The following AFDN variants were observed in gnomAD, a reference collection of about 807,000 sequenced individuals.
AFDN encodes the protein afadin, adherens junction formation factor.
AFDN carries 68 observed loss-of-function variants against 216.6 expected under a neutral mutation model. That is an observed-to-expected ratio of 0.31 (90% CI 0.26 to 0.38). The LOEUF (loss-of-function observed/expected upper bound fraction) is 0.38, where lower values mean the gene tolerates loss of function less well. AFDN is among the 10% of genes least tolerant of loss of function. AFDN has a pLI of 1.00. For synonymous variants in AFDN, 868 were observed against 853.7 expected (o/e 1.02, Z -0.29); for missense variants, 2,136 against 2,342.0 (o/e 0.91, Z 1.82).
rs1321574185 is a variant in AFDN, at chr6:167,841,963, C to A, written c.105+14726C>A. Among the ~76,000 whole-genome samples the A allele has an allele frequency of 3.3e-5, 5 of 151,708 alleles. No individual in the cohort carries two copies. In the South Asian group the frequency reaches 1.0e-3, roughly 32 times the overall value. ...CATTCACTCATCTTTGGGCTTTTCT[C>A]TTCTGTTAAAAGGCACTCAGGTTTT... On this transcript the variant is annotated intron_variant, in intron 1 of 33. Transcript: ENST00000683244.
chr6:167,944,926 C>A (rs751696025), intron 26 of AFDN, among the ~76,000 whole-genome samples: 21 of 152,038 alleles, frequency 1.4e-4, no homozygotes, highest in Non-Finnish European at 2.9e-4. Flanking sequence ...ATGGCCATGA[C>A]TACTGTGGAC....
chr6:167,849,689 A>C (rs1473208720), intron 1 of AFDN, among the ~76,000 whole-genome samples: 2 of 152,244 alleles, frequency 1.3e-5, no homozygotes, highest in African/African-American at 4.8e-5. Flanking sequence ...TTAACAGTAT[A>C]GAAGATTCTC....
intron 6 of AFDN, among the ~76,000 whole-genome samples, chr6:167,888,295 A>T (rs2128326971): frequency 6.6e-6 from 1 of 152,356 alleles, no homozygotes; most frequent in South Asian, 2.1e-4. Flanking sequence ...GGTTCTGTAG[A>T]AGAGTCTAAC....
chr6:167,918,061 A>G (rs1583404821), intron 20 of AFDN, among the ~76,000 whole-genome samples: 2 of 152,276 alleles, frequency 1.3e-5, no homozygotes, highest in Non-Finnish European at 2.9e-5. Context: ...AGGAGGGGAC[A>G]GTGATAGGGA....
chr6:167,924,118 A>C (rs556825577), intron 22 of AFDN, among the ~76,000 whole-genome samples: 6 of 152,070 alleles, frequency 3.9e-5, no homozygotes, highest in Non-Finnish European at 8.8e-5. Flanking sequence ...TAATAATTCT[A>C]ATGTCAACTA....
intron 23 of AFDN, among the ~76,000 whole-genome samples, chr6:167,940,152 C>T (rs1333022964): frequency 6.6e-6 from 1 of 152,076 alleles, no homozygotes; most frequent in African/African-American, 2.4e-5. Flanking sequence ...GGGCTGGAGA[C>T]TTGCATTGAG....
intron 26 of AFDN, among the ~76,000 whole-genome samples, chr6:167,945,129 G>A (rs115194913): frequency 0.013 from 1,904 of 151,444 alleles, 45 homozygotes; most frequent in African/African-American, 0.043. Flanking sequence ...AAATATTTTC[G>A]TTCTTTCTAT....
In AFDN at chr6:167,915,432, A is replaced by G. The variant is rs1368612190; in HGVS notation, c.2564A>G (p.Gln855Arg). 6.2e-7 allele frequency: 1 copy of G among 1,606,228 alleles called. No individual in the cohort carries two copies. Among genetic ancestry groups the G allele is most frequent in the Admixed American group, 1.7e-5 (1 of 59,778 alleles). Residue 855 changes from glutamine to arginine, a missense_variant and splice_region_variant, in exon 19 of 34, where the codon CAG (glutamine) becomes CGG (arginine). By Grantham distance (43) the Gln-to-Arg change is conservative (BLOSUM62 1). Transcript: ENST00000683244. ...AADCHLSRIV[Q>R]ATTLLTMDKY... The stretch of plus-strand genomic sequence containing the variant: ...GACTGTCATCTGAGCAGGATCGTGC[A>G]GGTGATTGCTGGTGCCACTCCCCAG...
chr6:167,857,288 A>T (rs1156953728), intron 1 of AFDN, among the ~76,000 whole-genome samples: 1 of 152,058 alleles, frequency 6.6e-6, no homozygotes, highest in Non-Finnish European at 1.5e-5. Flanking sequence ...TAGTTCAGGG[A>T]AGTGCCTTAG....
chr6:167,956,745 G>A (rs1583047557), intron 30 of AFDN, among the ~76,000 whole-genome samples: 2 of 152,164 alleles, frequency 1.3e-5, no homozygotes, highest in East Asian at 3.9e-4. Context: ...TCACAGTCAT[G>A]CATGACCCCC....
At chr6:167,926,632 A>C (rs924504049) in intron 23 of AFDN, among the ~76,000 whole-genome samples, 1 of 152,168 alleles carries the variant, frequency 6.6e-6, no homozygotes, top group Non-Finnish European at 1.5e-5. Context: ...GGGTCTCGCT[A>C]TGCTGCCCAG....
chr6:167,829,187 TAATGA>T (rs1392103222), intron 1 of AFDN, among the ~76,000 whole-genome samples: 1 of 152,216 alleles, frequency 6.6e-6, no homozygotes, highest in Non-Finnish European at 1.5e-5. Context: ...AAGCCTTTCA[TAATGA>T]AATGAATGGT....
At chr6:167,947,794 T>C (rs1280631878) in intron 27 of AFDN, 59 bp from the exon 28 acceptor site, 4 of 1,108,722 alleles carry the variant, frequency 3.6e-6, no homozygotes, top group South Asian at 2.7e-5. Flanking sequence ...AAATTTCATG[T>C]TATATATAGG....
chr6:167,914,391 A>G (rs1296394469), intron 17 of AFDN, 78 bp downstream of exon 17: 1 of 1,539,032 alleles, frequency 6.5e-7, no homozygotes, highest in East Asian at 2.3e-5. Context: ...TTCCAAACTA[A>G]TTTTAAGATT....
Position 167,880,511 on chromosome 6 carries a change from C to G in AFDN, c.891C>G (p.Ile297Met). 1 of 1,613,356 alleles carries G rather than the reference C, an allele frequency of 6.2e-7. No individual in the cohort carries two copies. Among genetic ancestry groups the G allele is most frequent in the South Asian group, 1.1e-5 (1 of 90,938 alleles). The part of the protein sequence containing the change: ...LEKENPKDYC[I>M]ARVMLPPGAQ... Reference sequence around the variant, plus strand: ...AAGAAAACCCTAAGGATTACTGCATCGCCCGGGTAAGGAACTTTATCAAAT... The same window carrying G: ...AAGAAAACCCTAAGGATTACTGCATGGCCCGGGTAAGGAACTTTATCAAAT... Residue 297 changes from isoleucine (I) to methionine (M), a missense_variant, in exon 6 of 34, where the codon ATC becomes ATG. Physicochemically the swap from Ile to Met is conservative, Grantham distance 10. Around this residue, in one of 8 missense-constraint regions of AFDN, gnomAD observed 817 missense variants for 965.7 expected, o/e 0.85. Coordinates refer to ENST00000683244, the MANE Select transcript of AFDN (RefSeq NM_001386888.1).
rs760511335 is a variant in AFDN, at chr6:167,962,530, A to T, written c.4931A>T (p.Gln1644Leu). The change falls in exon 31 of 34, where the codon CAG becomes CTG. Residue 1644 changes from glutamine to leucine, a missense_variant. By Grantham distance (113) the Gln-to-Leu change is moderately radical (BLOSUM62 -2). Transcript: ENST00000683244. This position sits in a 1 kb window ranked among gnomAD's most constrained non-coding sequence, Gnocchi z 5.2. ...AGGCAAGAGGAAGAGCGCCGGCGGC[A>T]GGAGGAGGAGCGAACAAAACGAGAC... is the stretch of plus-strand genomic sequence containing the variant. ...RARQEEERRR[Q>L]EEERTKRDAE... 2 of 1,613,874 alleles carry T rather than the reference A, an allele frequency of 1.2e-6. No homozygotes were observed. The highest frequency in any genetic ancestry group is 1.7e-6 in the Non-Finnish European group (2 of 1,179,828).
intron 1 of AFDN, among the ~76,000 whole-genome samples, chr6:167,834,014 T>G (rs1780118566): frequency 6.6e-6 from 1 of 152,208 alleles, no homozygotes; most frequent in Non-Finnish European, 1.5e-5. Flanking sequence ...AATAATATGA[T>G]TTTACACGAG....
At chr6:167,911,691 A>G in intron 15 of AFDN, 1 of 568,674 alleles carries the variant, frequency 1.8e-6, no homozygotes, top group Non-Finnish European at 3.1e-6. Flanking sequence ...TTTCCCTGTA[A>G]AACTTCAGCA....
At position 167,913,559 on chromosome 6, in the gene AFDN, A is replaced by G. The variant is rs1178601112; in HGVS notation, c.2058+136A>G. The G allele has an allele frequency of 1.2e-5, 9 of 760,154 alleles. No individual in the cohort carries two copies. The Admixed American group carries it at 1.3e-4, about 11-fold the overall frequency. 47.1% of individuals were successfully genotyped at this position (760,154 alleles called of 1,614,324 possible). A position where few individuals can be genotyped will look rare whatever the true frequency, so the allele number is the denominator to read the frequency against. On this transcript the variant is annotated intron_variant, in intron 16 of 33. Coordinates refer to ENST00000683244, the MANE Select transcript of AFDN (RefSeq NM_001386888.1). ...TCATTCAGCAACTGAGACATGCAGT[A>G]CTAAAACCCTTTTTGACTGTGCAAC...
Sources: gnomAD v4.1 joint callset for allele counts (sites outside exome capture counted in the v4.1 genomes callset) on GRCh38, gnomAD v4.1.1 for gene constraint, gnomAD v4.1.1 regional missense constraint, Gnocchi (gnomAD v3.1) non-coding constraint, MANE v1.5 for transcripts, NCBI Gene and HGNC (gene_info 2026-07-23, HGNC 2026-07-21) for gene names.